The following SPIDR variants were observed in gnomAD, a reference collection of about 807,000 sequenced individuals.
SPIDR encodes scaffold protein involved in DNA repair, also known as DNA repair-scaffolding protein.
Under a neutral mutation model 104.6 loss-of-function variants are expected in SPIDR, and 93 were observed. The observed-to-expected ratio is 0.89, with a 90% CI of 0.75 to 1.06. The LOEUF (loss-of-function observed/expected upper bound fraction) is 1.06, where lower values mean the gene tolerates loss of function less well. SPIDR is among the 50% of genes least tolerant of loss of function. The pLI is 0.00. For synonymous variants in SPIDR, 431 were observed against 416.9 expected (o/e 1.03, Z -0.41); for missense variants, 1,154 against 1,111.2 (o/e 1.04, Z -0.55).
At chr8:47,304,495 C>T (rs988650682) in intron 5 of SPIDR, among the ~76,000 whole-genome samples, 8 of 152,170 alleles carry the variant, frequency 5.3e-5, no homozygotes, top group Admixed American at 1.3e-4. Flanking sequence ...AGCAAGACCT[C>T]GTCTCTATTA....
At chr8:47,488,878 A>G (rs1295581303) in intron 8 of SPIDR, among the ~76,000 whole-genome samples, 22 of 152,184 alleles carry the variant, frequency 1.4e-4, no homozygotes, top group Non-Finnish European at 2.6e-4. Context: ...ATCTATGACA[A>G]ACCCACAGCC....
intron 8 of SPIDR, among the ~76,000 whole-genome samples, chr8:47,521,050 C>T (rs990257549): frequency 2.0e-5 from 3 of 152,138 alleles, no homozygotes; most frequent in Admixed American, 6.5e-5. Flanking sequence ...TGCATGTGTA[C>T]CATTTTGAGA....
In SPIDR at chr8:47,479,507, G is replaced by A. The variant is rs965586903; in HGVS notation, c.1097+38965G>A. 2.0e-5 allele frequency among the ~76,000 whole-genome samples: 3 copies of A among 152,124 alleles called. No individual in the cohort carries two copies. In the East Asian group the frequency reaches 5.8e-4, roughly 29 times the overall value. On this transcript the variant is annotated intron_variant, in intron 8 of 19. Transcript: ENST00000297423. ...ACTTCTGTCTCAAGGTCATAAACAGGCTCCTGTGGTGAGCTTAGCAGCACA... is the reference window on the plus strand; with the variant it reads ...ACTTCTGTCTCAAGGTCATAAACAGACTCCTGTGGTGAGCTTAGCAGCACA...
At chr8:47,622,834 T>C (rs753749217) in intron 10 of SPIDR, among the ~76,000 whole-genome samples, 5 of 152,174 alleles carry the variant, frequency 3.3e-5, no homozygotes, top group Non-Finnish European at 4.4e-5. Context: ...GTCAAGCCCA[T>C]AATATGAAAT....
rs190898094 is a variant in SPIDR, at chr8:47,626,258, C to A, written c.1544+27062C>A. Among the ~76,000 whole-genome samples, 864 of 152,212 alleles carry A rather than the reference C, an allele frequency of 5.7e-3. 7 individuals carry two copies. The highest frequency in any genetic ancestry group is 0.02 in the Middle Eastern group (6 of 294). On this transcript the variant is annotated intron_variant, in intron 10 of 19. Transcript: ENST00000297423. ...TAATTCAAGATGGATTAAAGACTTA[C>A]ATGTTAGACCTAAAACCATAAAAAC... is the stretch of plus-strand genomic sequence containing the variant.
intron 2 of SPIDR, among the ~76,000 whole-genome samples, chr8:47,280,957 A>C (rs2037660886): frequency 6.6e-6 from 1 of 152,236 alleles, no homozygotes; most frequent in South Asian, 2.1e-4. Context: ...CTTCACAAGA[A>C]ATGCATGTTT....
In SPIDR at chr8:47,578,556, C is replaced by G. The variant is rs192726002; in HGVS notation, c.1098-17255C>G. On this transcript the variant is annotated intron_variant, in intron 8 of 19. Transcript: ENST00000297423. Reference sequence around the variant, plus strand: ...TATGTATGGAAACTCAGCCATAGCGCTATGCTACTACTGACCTAGTAACAA... The same window carrying G: ...TATGTATGGAAACTCAGCCATAGCGGTATGCTACTACTGACCTAGTAACAA... 3.7e-4 allele frequency among the ~76,000 whole-genome samples: 57 copies of G among 152,278 alleles called. 1 individual carries two copies. The East Asian group carries it at 9.4e-3, about 25-fold the overall frequency.
chr8:47,459,127 TTTG>T (rs1470156076), intron 8 of SPIDR, among the ~76,000 whole-genome samples: 1 of 152,136 alleles, frequency 6.6e-6, no homozygotes, highest in Non-Finnish European at 1.5e-5. Context: ...CTTTCCTGGT[TTTG>T]TTATTAGGGT....
intron 7 of SPIDR, among the ~76,000 whole-genome samples, chr8:47,432,424 A>G (rs1439215707): frequency 6.6e-6 from 1 of 152,202 alleles, no homozygotes; most frequent in Non-Finnish European, 1.5e-5. Flanking sequence ...CATGGTTAGC[A>G]GTGAAATCAA....
intron 5 of SPIDR, among the ~76,000 whole-genome samples, chr8:47,326,725 G>A (rs563699678): frequency 6.6e-6 from 1 of 152,278 alleles, no homozygotes; most frequent in Admixed American, 6.5e-5. Context: ...GACCTTTTGT[G>A]TCTGGCTTCT....
At chr8:47,421,021 T>C (rs1429268263) in intron 7 of SPIDR, among the ~76,000 whole-genome samples, 2 of 152,240 alleles carry the variant, frequency 1.3e-5, no homozygotes, top group African/African-American at 2.4e-5. Context: ...AACCCCACCT[T>C]TCTCTCTGGC....
intron 8 of SPIDR, among the ~76,000 whole-genome samples, chr8:47,532,759 A>G (rs1041538466): frequency 8.5e-5 from 13 of 152,206 alleles, no homozygotes; most frequent in Non-Finnish European, 7.3e-5. Context: ...GCATTGTTGA[A>G]CTGAACAACA....
At chr8:47,566,275 G>A (rs1377450881) in intron 8 of SPIDR, among the ~76,000 whole-genome samples, 1 of 151,532 alleles carries the variant, frequency 6.6e-6, no homozygotes, top group Non-Finnish European at 1.5e-5. Context: ...CAAAGTGCTG[G>A]GATTACAGGC....
chr8:47,593,346 T>C (rs1369953674), intron 8 of SPIDR, among the ~76,000 whole-genome samples: 1 of 152,200 alleles, frequency 6.6e-6, no homozygotes, highest in Non-Finnish European at 1.5e-5. Context: ...TTCTGAAACT[T>C]CCATTTTTAA....
At chr8:47,522,008 AC>A (rs1184647415) in intron 8 of SPIDR, among the ~76,000 whole-genome samples, 1 of 151,782 alleles carries the variant, frequency 6.6e-6, no homozygotes, top group Non-Finnish European at 1.5e-5. Flanking sequence ...TACTAAAAAT[AC>A]AAAAATTAGC....
intron 8 of SPIDR, among the ~76,000 whole-genome samples, chr8:47,587,007 T>C (rs923102462): frequency 6.6e-6 from 1 of 152,200 alleles, no homozygotes; most frequent in Non-Finnish European, 1.5e-5. Flanking sequence ...CGATCTCAGT[T>C]GATCCGTCAG....
chr8:47,514,669 CAT>C (rs1240869838), intron 8 of SPIDR, among the ~76,000 whole-genome samples: 1 of 151,376 alleles, frequency 6.6e-6, no homozygotes, highest in African/African-American at 2.4e-5. Flanking sequence ...TTAGGAGAGA[CAT>C]AAAAAATAGA....
At chr8:47,311,647 A>T (rs1312941029) in intron 5 of SPIDR, among the ~76,000 whole-genome samples, 1 of 152,088 alleles carries the variant, frequency 6.6e-6, no homozygotes, top group East Asian at 1.9e-4. Context: ...GTGAGACTTC[A>T]TCTCTACAAA....
At chr8:47,433,067 G>C (rs1244322634) in intron 7 of SPIDR, among the ~76,000 whole-genome samples, 1 of 152,138 alleles carries the variant, frequency 6.6e-6, no homozygotes, top group Non-Finnish European at 1.5e-5. Context: ...AATCTTTACT[G>C]TCTCAGTAAA....
Sources: allele counts gnomAD v4.1 joint callset (sites outside exome capture counted in the v4.1 genomes callset), GRCh38; gene constraint gnomAD v4.1.1; transcripts MANE v1.5; gene names NCBI Gene and HGNC (gene_info 2026-07-23, HGNC 2026-07-21).